The following SUCLG2 variants were observed in gnomAD, a reference collection of about 807,000 sequenced individuals.
SUCLG2 encodes the protein succinate--CoA ligase [GDP-forming] subunit beta, mitochondrial.
SUCLG2 carries 42 observed loss-of-function variants against 47.9 expected under a neutral mutation model. The observed-to-expected ratio is 0.88, with a 90% CI of 0.69 to 1.14. The LOEUF is 1.14. SUCLG2 is among the 50% of genes most tolerant of loss of function. SUCLG2 has a pLI of 0.00. For missense variants in SUCLG2, 571 were observed against 525.9 expected, an observed-to-expected ratio of 1.09 and a Z score of -0.84; for synonymous variants, 195 against 197.3, an observed-to-expected ratio of 0.99 and a Z score of 0.10.
At chr3:67,628,637 T>G (rs1349488581) in intron 1 of SUCLG2, among the ~76,000 whole-genome samples, 1 of 152,156 alleles carries the variant, frequency 6.6e-6, no homozygotes, top group African/African-American at 2.4e-5. Flanking sequence ...CATGCTGTTT[T>G]CATGATAGTA....
At chr3:67,422,482 A>AAAAAAAAAAAAAAAAAAAAAAAAAC (rs1703188700) in intron 9 of SUCLG2, among the ~76,000 whole-genome samples, 1 of 139,166 alleles carries the variant, frequency 7.2e-6, no homozygotes, top group African/African-American at 2.6e-5. Flanking sequence ...TCAAAAAAAA[A>AAAAAAAAAAAAAAAAAAAAAAAAAC]AAAAAAAAAA....
chr3:67,460,209 G>A (rs11923553), intron 9 of SUCLG2, among the ~76,000 whole-genome samples: 81,576 of 152,092 alleles, frequency 0.54, 22,964 homozygotes, highest in Middle Eastern at 0.63. Flanking sequence ...ATTATTTCCA[G>A]TAGTAGAAGT....
At chr3:67,449,676 C>T (rs550421595) in intron 9 of SUCLG2, among the ~76,000 whole-genome samples, 41 of 151,928 alleles carry the variant, frequency 2.7e-4, no homozygotes, top group African/African-American at 8.5e-4. Context: ...GGTGCAGTGG[C>T]GTGACCTCGC....
intron 9 of SUCLG2, among the ~76,000 whole-genome samples, chr3:67,420,757 A>C (rs1371184796): frequency 6.6e-6 from 1 of 152,126 alleles, no homozygotes; most frequent in East Asian, 1.9e-4. Context: ...ACACACACAC[A>C]AAGACATACA....
intron 10 of SUCLG2, among the ~76,000 whole-genome samples, chr3:67,364,372 C>G (rs1024929677): frequency 3.3e-5 from 5 of 152,048 alleles, no homozygotes; most frequent in African/African-American, 7.2e-5. Flanking sequence ...GGCATCCCCC[C>G]CAACTATTCA....
intron 9 of SUCLG2, among the ~76,000 whole-genome samples, chr3:67,419,120 C>T (rs1280190797): frequency 6.6e-6 from 1 of 152,186 alleles, no homozygotes; most frequent in South Asian, 2.1e-4. Context: ...ACCAAGCACT[C>T]AGTCCTGTGA....
At chr3:67,556,460 T>A (rs891426692) in intron 2 of SUCLG2, among the ~76,000 whole-genome samples, 2 of 152,234 alleles carry the variant, frequency 1.3e-5, no homozygotes, top group African/African-American at 4.8e-5. Flanking sequence ...GGGAGATGTC[T>A]ATATTGTACT....
intron 2 of SUCLG2, among the ~76,000 whole-genome samples, chr3:67,537,395 G>T (rs991385106): frequency 6.6e-6 from 1 of 152,160 alleles, no homozygotes; most frequent in African/African-American, 2.4e-5. Context: ...AAAAGGACAT[G>T]AACTCATCCT....
intron 2 of SUCLG2, among the ~76,000 whole-genome samples, chr3:67,598,405 A>C (rs1273099038): frequency 6.6e-6 from 1 of 152,218 alleles, no homozygotes; most frequent in Non-Finnish European, 1.5e-5. Flanking sequence ...CAACTTTGAG[A>C]GTAAAAGGGA....
At chr3:67,491,827 T>C (rs1204977750) in intron 9 of SUCLG2, among the ~76,000 whole-genome samples, 1 of 152,212 alleles carries the variant, frequency 6.6e-6, no homozygotes, top group Non-Finnish European at 1.5e-5. Flanking sequence ...TCCCTCTAAA[T>C]GAAAAGTGTG....
chr3:67,458,390 G>A (rs1704240484), intron 9 of SUCLG2, among the ~76,000 whole-genome samples: 1 of 152,064 alleles, frequency 6.6e-6, no homozygotes, highest in Non-Finnish European at 1.5e-5. Context: ...TTTGAATAAC[G>A]CCTCCTATAA....
chr3:67,376,843 T>C (rs1702043771), intron 10 of SUCLG2, among the ~76,000 whole-genome samples: 1 of 152,184 alleles, frequency 6.6e-6, no homozygotes, highest in South Asian at 2.1e-4. Context: ...CCTACTCCTG[T>C]TTTTACAGAG....
chr3:67,652,925 A>G (rs1378647411), intron 1 of SUCLG2, among the ~76,000 whole-genome samples: 1 of 152,238 alleles, frequency 6.6e-6, no homozygotes, highest in East Asian at 1.9e-4. Context: ...ACCTTCTAAG[A>G]ATTTACAGAA....
At chr3:67,559,157 C>G (rs1707239972) in intron 2 of SUCLG2, among the ~76,000 whole-genome samples, 1 of 152,134 alleles carries the variant, frequency 6.6e-6, no homozygotes, top group African/African-American at 2.4e-5. Flanking sequence ...CAAATCCCTT[C>G]TACAGCTAAC....
chr3:67,431,766 A>G (rs1236968682), intron 9 of SUCLG2, among the ~76,000 whole-genome samples: 1 of 152,054 alleles, frequency 6.6e-6, no homozygotes, highest in Non-Finnish European at 1.5e-5. Context: ...GAGGGATACC[A>G]TTAGGAGATA....
chr3:67,640,660 T>C (rs944800967), intron 1 of SUCLG2, among the ~76,000 whole-genome samples: 1 of 152,252 alleles, frequency 6.6e-6, no homozygotes, highest in African/African-American at 2.4e-5. Flanking sequence ...TATTTGCCTA[T>C]TGGCATAACC....
intron 9 of SUCLG2, among the ~76,000 whole-genome samples, chr3:67,469,584 C>A (rs1407430036): frequency 6.7e-6 from 1 of 149,948 alleles, no homozygotes; most frequent in Non-Finnish European, 1.5e-5. Flanking sequence ...CAAAAATTAG[C>A]TGGGTGTGGT....
At chr3:67,409,112 A>T in intron 9 of SUCLG2, 3 of 1,390,240 alleles carry the variant, frequency 2.2e-6, no homozygotes, top group Non-Finnish European at 2.9e-6. Flanking sequence ...TACAATACAG[A>T]TATTTCCTGT....
intron 4 of SUCLG2, among the ~76,000 whole-genome samples, chr3:67,523,851 G>C (rs1229548368): frequency 6.6e-6 from 1 of 152,060 alleles, no homozygotes; most frequent in Non-Finnish European, 1.5e-5. Flanking sequence ...TATTCTTAGA[G>C]GCAACACAAA....
Sources: allele counts gnomAD v4.1 joint callset (sites outside exome capture counted in the v4.1 genomes callset), GRCh38; gene constraint gnomAD v4.1.1; transcripts MANE v1.5; gene names NCBI Gene and HGNC (gene_info 2026-07-23, HGNC 2026-07-21).